Variants in KAZN observed in about 807,000 individuals in gnomAD.
The protein encoded by KAZN is kazrin, periplakin interacting protein, also known as kazrin.
A neutral mutation model predicts 87.4 loss-of-function variants in KAZN; 40 were observed. The observed-to-expected ratio is 0.46, with a 90% CI of 0.36 to 0.60. The LOEUF is 0.60. KAZN is among the 20% of genes least tolerant of loss of function. The pLI is 0.00. For missense variants in KAZN, 898 were observed against 1,073.9 expected, an observed-to-expected ratio of 0.84 and a Z score of 2.29; for synonymous variants, 466 against 458.3, an observed-to-expected ratio of 1.02 and a Z score of -0.22.
intron 1 of KAZN, among the ~76,000 whole-genome samples, chr1:14,899,528 C>T (rs934487564): frequency 1.3e-5 from 2 of 152,200 alleles, no homozygotes; most frequent in African/African-American, 4.8e-5. Context: ...CCTAGAAATG[C>T]CAAGCCTCTG....
chr1:14,797,672 A>G (rs1645870742), intron 1 of KAZN, among the ~76,000 whole-genome samples: 1 of 152,174 alleles, frequency 6.6e-6, no homozygotes, highest in African/African-American at 2.4e-5. Context: ...GCTTCAAGAC[A>G]GAGTGTCGGC....
chr1:14,800,618 C>T (rs1645979145), intron 1 of KAZN, among the ~76,000 whole-genome samples: 1 of 152,148 alleles, frequency 6.6e-6, no homozygotes, highest in Non-Finnish European at 1.5e-5. Flanking sequence ...GTGGGAGGAT[C>T]GCTTGAGCCT....
intron 1 of KAZN, among the ~76,000 whole-genome samples, chr1:14,644,440 C>T (rs1024478267): frequency 6.6e-6 from 1 of 151,192 alleles, no homozygotes; most frequent in African/African-American, 2.4e-5. Context: ...CGGCTCACTG[C>T]AAGCTCCGCC....
intron 13 of KAZN, among the ~76,000 whole-genome samples, chr1:15,107,896 G>T (rs1641351988): frequency 6.6e-6 from 1 of 152,148 alleles, no homozygotes; most frequent in Non-Finnish European, 1.5e-5. Flanking sequence ...TTGTTCCAAA[G>T]GTTCAGTGAG....
chr1:14,400,093 C>T (rs140292820), intron 2 of KAZN, among the ~76,000 whole-genome samples: 9 of 152,198 alleles, frequency 5.9e-5, no homozygotes, highest in Admixed American at 1.3e-4. Context: ...TCGTAAGCTC[C>T]GGTGACCACT....
intron 2 of KAZN, among the ~76,000 whole-genome samples, chr1:14,965,722 AG>A (rs1484833739): frequency 6.6e-6 from 1 of 152,176 alleles, no homozygotes; most frequent in Non-Finnish European, 1.5e-5. Context: ...ACTGTCTTAA[AG>A]ATCTGTGTAT....
intron 2 of KAZN, among the ~76,000 whole-genome samples, chr1:14,522,581 A>C (rs1015180211): frequency 6.6e-6 from 1 of 152,252 alleles, no homozygotes; most frequent in Non-Finnish European, 1.5e-5. Context: ...GCCTGACTTT[A>C]ATAAAAAGCC....
At chr1:14,726,697 A>G (rs768963361) in intron 1 of KAZN, among the ~76,000 whole-genome samples, 12 of 152,198 alleles carry the variant, frequency 7.9e-5, no homozygotes, top group Non-Finnish European at 1.2e-4. Flanking sequence ...TTAACTATCT[A>G]CCTGTACTTG....
In KAZN at chr1:14,949,742, C is replaced by A. The variant is rs1339936295; in HGVS notation, c.227-10942C>A. Among the ~76,000 whole-genome samples the A allele has an allele frequency of 2.0e-5, 3 of 152,200 alleles. No homozygotes were observed. The highest frequency in any genetic ancestry group is 2.0e-4 in the Admixed American group (3 of 15,286). ...CCCCAGGACATCCCTGCTTCTGAGC[C>A]TGTGACTGTCACCCTTCCAGGACAG... On this transcript the variant is annotated intron_variant, in intron 1 of 14. Coordinates refer to ENST00000376030, the MANE Select transcript of KAZN (RefSeq NM_201628.3). This position sits in a 1 kb window ranked among gnomAD's most constrained non-coding sequence, Gnocchi z 4.3.
intron 2 of KAZN, among the ~76,000 whole-genome samples, chr1:14,234,526 A>C (rs1046184293): frequency 6.6e-6 from 1 of 152,212 alleles, no homozygotes; most frequent in Non-Finnish European, 1.5e-5. Flanking sequence ...CACGTTCTGC[A>C]CATGTACCCC....
intron 8 of KAZN, among the ~76,000 whole-genome samples, chr1:15,092,531 G>A (rs1388469539): frequency 6.6e-6 from 1 of 151,972 alleles, no homozygotes; most frequent in African/African-American, 2.4e-5. Flanking sequence ...GAGTACAGTG[G>A]TATGATCTTG....
At chr1:14,869,354 T>C (rs1280773004) in intron 1 of KAZN, among the ~76,000 whole-genome samples, 14 of 152,192 alleles carry the variant, frequency 9.2e-5, no homozygotes, top group Admixed American at 9.2e-4. Context: ...CTGGACTCTT[T>C]ATGGAGCCTC....
At chr1:14,796,204 G>T (rs1401392505) in intron 1 of KAZN, among the ~76,000 whole-genome samples, 1 of 152,054 alleles carries the variant, frequency 6.6e-6, no homozygotes, top group Non-Finnish European at 1.5e-5. Flanking sequence ...GATAAGCCTG[G>T]GTCTCACTCC....
chr1:14,044,051 G>A (rs558022310), intron 1 of KAZN, among the ~76,000 whole-genome samples: 4 of 152,108 alleles, frequency 2.6e-5, no homozygotes, highest in Non-Finnish European at 2.9e-5. Context: ...ACTTTACTGG[G>A]ATAAACACTC....
chr1:14,627,366 G>C (rs1174589089), intron 1 of KAZN, among the ~76,000 whole-genome samples: 2 of 152,076 alleles, frequency 1.3e-5, no homozygotes, highest in Non-Finnish European at 1.5e-5. Context: ...CGCCCAGGAG[G>C]TCAATAAGAG....
intron 1 of KAZN, among the ~76,000 whole-genome samples, chr1:14,731,819 T>C (rs1169469869): frequency 5.9e-5 from 9 of 152,120 alleles, no homozygotes. Context: ...TGTTGCTGAG[T>C]ATTCATGTCC....
chr1:14,157,168 G>T (rs1298749839), intron 1 of KAZN, among the ~76,000 whole-genome samples: 1 of 151,766 alleles, frequency 6.6e-6, no homozygotes. Flanking sequence ...ACTTTTTATG[G>T]TTTCTATTTA....
At chr1:13,917,866 A>G (rs995985020) in intron 1 of KAZN, among the ~76,000 whole-genome samples, 1 of 152,028 alleles carries the variant, frequency 6.6e-6, no homozygotes, top group Non-Finnish European at 1.5e-5. Context: ...CTATAAATGG[A>G]ACAGCAAAGC....
intron 2 of KAZN, among the ~76,000 whole-genome samples, chr1:14,970,272 T>G (rs559398220): frequency 6.6e-6 from 1 of 152,304 alleles, no homozygotes; most frequent in East Asian, 1.9e-4. Flanking sequence ...CTTAAAACCA[T>G]CTCTTGTGTC....
Sources: gnomAD v4.1 joint callset for allele counts (sites outside exome capture counted in the v4.1 genomes callset) on GRCh38, gnomAD v4.1.1 for gene constraint, Gnocchi (gnomAD v3.1) non-coding constraint, MANE v1.5 for transcripts, NCBI Gene and HGNC (gene_info 2026-07-23, HGNC 2026-07-21) for gene names.